Variants in BMPR1B observed in about 807,000 individuals in gnomAD.
The protein encoded by BMPR1B is bone morphogenetic protein receptor type 1B.
Under a neutral mutation model 59.1 loss-of-function variants are expected in BMPR1B, and 12 were observed. The ratio of observed to expected loss-of-function variants is 0.20; its 90% CI spans 0.13 to 0.33. BMPR1B has a LOEUF of 0.33. Among genes scored for constraint, BMPR1B ranks in the 10% least tolerant of loss-of-function variants. BMPR1B has a pLI of 1.00. For missense variants in BMPR1B, 550 were observed against 610.9 expected (o/e 0.90, Z 1.05); for synonymous variants, 237 against 207.3 (o/e 1.14, Z -1.23).
intron 1 of BMPR1B, among the ~76,000 whole-genome samples, chr4:94,813,366 G>A (rs976471509): frequency 6.6e-6 from 1 of 152,166 alleles, no homozygotes; most frequent in East Asian, 1.9e-4. Context: ...TCTGAAGATA[G>A]TGAGGAAACC....
intron 2 of BMPR1B, among the ~76,000 whole-genome samples, chr4:94,917,904 A>ATTTGATG (rs547996568): frequency 5.3e-4 from 81 of 152,190 alleles, no homozygotes; most frequent in African/African-American, 1.9e-3. Context: ...ACCCCTCATG[A>ATTTGATG]CTTGATGCTG....
intron 1 of BMPR1B, among the ~76,000 whole-genome samples, chr4:94,774,312 C>T (rs552518102): frequency 1.7e-4 from 25 of 148,402 alleles, no homozygotes; most frequent in Non-Finnish European, 3.3e-4. Flanking sequence ...CTAAAAACTA[C>T]AGAGTTGCTT....
intron 2 of BMPR1B, among the ~76,000 whole-genome samples, chr4:94,924,866 A>G (rs1340777682): frequency 6.6e-6 from 1 of 152,138 alleles, no homozygotes; most frequent in Non-Finnish European, 1.5e-5. Context: ...GATGTGAGCC[A>G]AAAAATCTTC....
At chr4:94,898,453 A>G (rs762644714) in intron 2 of BMPR1B, among the ~76,000 whole-genome samples, 40 of 151,940 alleles carry the variant, frequency 2.6e-4, no homozygotes, top group Non-Finnish European at 5.3e-4. Flanking sequence ...CAGTTCCCCC[A>G]TGCTGTTCTT....
chr4:95,035,732 C>A (rs1323719875), intron 3 of BMPR1B, among the ~76,000 whole-genome samples: 1 of 152,038 alleles, frequency 6.6e-6, no homozygotes, highest in Admixed American at 6.6e-5. Context: ...CAGATTTGTT[C>A]TTTTTTCTTA....
intron 3 of BMPR1B, among the ~76,000 whole-genome samples, chr4:95,095,595 G>C (rs908962863): frequency 3.3e-5 from 5 of 152,046 alleles, no homozygotes; most frequent in African/African-American, 1.2e-4. Flanking sequence ...TCAACATTTG[G>C]TTAAGTTTTG....
chr4:94,787,452 A>G (rs1377900436), intron 1 of BMPR1B, among the ~76,000 whole-genome samples: 1 of 152,192 alleles, frequency 6.6e-6, no homozygotes, highest in Non-Finnish European at 1.5e-5. Context: ...TATCCAGAGG[A>G]AAGAAGTATT....
At chr4:95,023,272 C>T (rs561919867) in intron 3 of BMPR1B, among the ~76,000 whole-genome samples, 2 of 152,132 alleles carry the variant, frequency 1.3e-5, no homozygotes, top group Non-Finnish European at 2.9e-5. Context: ...TCCAGTATGG[C>T]GAAATGTTTT....
intron 8 of BMPR1B, among the ~76,000 whole-genome samples, chr4:95,125,670 C>G (rs1000122100): frequency 3.3e-5 from 5 of 152,212 alleles, no homozygotes; most frequent in Admixed American, 6.5e-5. Context: ...AAGAGATGTA[C>G]AAATAGTAAA....
At chr4:94,919,210 G>A (rs1273795947) in intron 2 of BMPR1B, among the ~76,000 whole-genome samples, 1 of 152,196 alleles carries the variant, frequency 6.6e-6, no homozygotes, top group East Asian at 1.9e-4. Context: ...ATACGCAGAC[G>A]TGCACTGCCT....
chr4:95,114,620 A>G, intron 4 of BMPR1B, 100 bp from the exon 5 acceptor site: 1 of 991,688 alleles, frequency 1.0e-6, no homozygotes, highest in Non-Finnish European at 1.6e-6. Flanking sequence ...CAAATGATAC[A>G]CATCACTTAT....
chr4:94,867,651 G>T (rs1233108332), intron 1 of BMPR1B, among the ~76,000 whole-genome samples: 1 of 152,074 alleles, frequency 6.6e-6, no homozygotes, highest in African/African-American at 2.4e-5. Flanking sequence ...TTCACCTAAA[G>T]AAAACATTTT....
At chr4:95,099,556 T>C (rs1245831321) in intron 3 of BMPR1B, among the ~76,000 whole-genome samples, 1 of 152,220 alleles carries the variant, frequency 6.6e-6, no homozygotes, top group Admixed American at 6.5e-5. Context: ...TCAGTGCTTA[T>C]ATGGTGATGT....
chr4:94,989,647 A>G (rs998492108), intron 2 of BMPR1B, among the ~76,000 whole-genome samples: 2 of 152,174 alleles, frequency 1.3e-5, no homozygotes, highest in Non-Finnish European at 1.5e-5. Flanking sequence ...CCTTACTAAA[A>G]GTTCTATTGA....
intron 3 of BMPR1B, among the ~76,000 whole-genome samples, chr4:95,039,870 C>G (rs911169912): frequency 6.6e-6 from 1 of 152,172 alleles, no homozygotes; most frequent in Non-Finnish European, 1.5e-5. Flanking sequence ...AGATTGGACA[C>G]CCCTGGTAGC....
chr4:94,763,425 C>T (rs1454648968), intron 1 of BMPR1B, among the ~76,000 whole-genome samples: 1 of 152,114 alleles, frequency 6.6e-6, no homozygotes, highest in South Asian at 2.1e-4. Flanking sequence ...CCTTTAGAGG[C>T]CAGTAGTTTT....
intron 1 of BMPR1B, among the ~76,000 whole-genome samples, chr4:94,762,723 AG>A (rs770069741): frequency 2.7e-4 from 41 of 152,334 alleles, no homozygotes; most frequent in Non-Finnish European, 4.3e-4. Flanking sequence ...TACCTGAATA[AG>A]GCCATGTGGG....
chr4:94,805,019 T>G (rs62316542), intron 1 of BMPR1B, among the ~76,000 whole-genome samples: 19,382 of 152,224 alleles, frequency 0.13, 1,517 homozygotes, highest in East Asian at 0.22. Flanking sequence ...ATGTAATAAC[T>G]AATAGAACTT....
chr4:95,021,385 A>C (rs1266282952), intron 3 of BMPR1B, among the ~76,000 whole-genome samples: 3 of 152,242 alleles, frequency 2.0e-5, no homozygotes, highest in Non-Finnish European at 2.9e-5. Flanking sequence ...GATTTTAAAG[A>C]AGGTTTTTAA....
Sources: allele counts gnomAD v4.1 joint callset (sites outside exome capture counted in the v4.1 genomes callset), GRCh38; gene constraint gnomAD v4.1.1; transcripts MANE v1.5; gene names NCBI Gene and HGNC (gene_info 2026-07-23, HGNC 2026-07-21).